STOX1: variants seen among roughly 807,000 people sequenced by gnomAD.
The protein encoded by STOX1 is storkhead box 1.
A neutral mutation model predicts 74.8 loss-of-function variants in STOX1; 57 were observed. That is an observed-to-expected ratio of 0.76 (90% CI 0.62 to 0.95). The LOEUF is 0.95. STOX1 is among the 40% of genes least tolerant of loss of function. The probability of loss-of-function intolerance (pLI) is 0.00; values close to 1 mark genes in which losing one functional copy is unlikely to be tolerated. For missense variants in STOX1, 1,010 were observed against 1,117.0 expected (o/e 0.90, Z 1.37); for synonymous variants, 375 against 401.3 (o/e 0.93, Z 0.78).
In STOX1 at chr10:68,828,300, C is replaced by T. The variant is rs1455456006; in HGVS notation, c.310+367C>T. 1.2e-5 allele frequency: 14 copies of T among 1,172,126 alleles called. No individual in the cohort carries two copies. In the East Asian group the frequency reaches 4.9e-4, roughly 41 times the overall value. The allele number at this position is 1,172,126 out of a possible 1,614,324, so 72.6% of individuals were successfully genotyped here. A position where few individuals can be genotyped will look rare whatever the true frequency, so the allele number is the denominator to read the frequency against. On this transcript the variant is annotated intron_variant, in intron 1 of 3. Transcript: ENST00000298596. ...TGCGGGACCCGGAGGGGAGGGGCGT[C>T]CCGCGCCAGCTGTGAGCGCGGAGCT...
At chr10:68,857,725 C>T (rs1311936409) in intron 1 of STOX1, among the ~76,000 whole-genome samples, 1 of 152,118 alleles carries the variant, frequency 6.6e-6, no homozygotes, top group Non-Finnish European at 1.5e-5. Context: ...GTCCATGCTG[C>T]TCCAGGCTCA....
chr10:68,844,107 G>T (rs1202100726), intron 1 of STOX1, among the ~76,000 whole-genome samples: 1 of 151,684 alleles, frequency 6.6e-6, no homozygotes, highest in Non-Finnish European at 1.5e-5. Flanking sequence ...ATGAGCCCGG[G>T]AGGCGGAGCT....
At position 68,846,881 on chromosome 10, in the gene STOX1, C is replaced by T. The variant is rs192631545; in HGVS notation, c.310+18948C>T. ...TAGCATGGCCCCTGTGCAAGGGTGA[C>T]ATACAAATTAATGAAGGGTTCCAAT... On this transcript the variant is annotated intron_variant, in intron 1 of 3. Transcript: ENST00000298596. 2.0e-5 allele frequency: 3 copies of T among 152,140 alleles called. No homozygotes were observed. In the East Asian group the frequency reaches 5.8e-4, roughly 29 times the overall value. The allele number at this position is 152,140 out of a possible 1,614,324, so 9.4% of individuals were successfully genotyped here. A position where few individuals can be genotyped will look rare whatever the true frequency, so the allele number is the denominator to read the frequency against.
intron 1 of STOX1, among the ~76,000 whole-genome samples, chr10:68,834,987 G>T (rs1839507399): frequency 6.6e-6 from 1 of 152,014 alleles, no homozygotes; most frequent in Non-Finnish European, 1.5e-5. Flanking sequence ...GCCTCCCAAA[G>T]TGCTGGGCTT....
At chr10:68,880,112 T>C (rs1227847244) in intron 1 of STOX1, among the ~76,000 whole-genome samples, 2 of 152,098 alleles carry the variant, frequency 1.3e-5, no homozygotes, top group East Asian at 1.9e-4. Flanking sequence ...TTTCCTTCAA[T>C]TGGAACTTTA....
chr10:68,859,965 A>G (rs920897798), intron 1 of STOX1, among the ~76,000 whole-genome samples: 8 of 151,972 alleles, frequency 5.3e-5, no homozygotes, highest in Non-Finnish European at 1.2e-4. Flanking sequence ...AGCAGGAAGA[A>G]AGAATCGGAG....
chr10:68,859,987 G>C (rs1187853207), intron 1 of STOX1, among the ~76,000 whole-genome samples: 1 of 151,864 alleles, frequency 6.6e-6, no homozygotes. Flanking sequence ...TGAAGGAAGG[G>C]CCTTTAAAAA....
intron 1 of STOX1, among the ~76,000 whole-genome samples, chr10:68,870,870 C>A (rs898711210): frequency 3.3e-5 from 5 of 152,220 alleles, no homozygotes; most frequent in Non-Finnish European, 7.3e-5. Context: ...TGAAAACATT[C>A]TACCCCCAGA....
chr10:68,829,643 A>G (rs1839355549), intron 1 of STOX1, among the ~76,000 whole-genome samples: 1 of 152,116 alleles, frequency 6.6e-6, no homozygotes, highest in Non-Finnish European at 1.5e-5. Context: ...CAGAGATGGT[A>G]TTACCACATC....
intron 1 of STOX1, among the ~76,000 whole-genome samples, chr10:68,873,651 CTTTTTTTTT>C (rs67316641): frequency 4.1e-5 from 1 of 24,498 alleles, no homozygotes; most frequent in African/African-American, 1.5e-4. Context: ...CTTTTTTTTT[CTTTTTTTTT>C]TTTTTCTTTT....
intron 1 of STOX1, among the ~76,000 whole-genome samples, chr10:68,880,171 T>G (rs1227685147): frequency 2.6e-5 from 4 of 150,996 alleles, no homozygotes; most frequent in African/African-American, 9.7e-5. Flanking sequence ...TTCCTTTTTT[T>G]TTTTTTTTTT....
chr10:68,891,507 C>T (rs1007664324), intron 3 of STOX1, among the ~76,000 whole-genome samples: 5 of 151,954 alleles, frequency 3.3e-5, no homozygotes, highest in African/African-American at 7.2e-5. Flanking sequence ...AAGGGAATGT[C>T]GAAAAGCAAA....
intron 1 of STOX1, among the ~76,000 whole-genome samples, chr10:68,847,261 G>GA (rs1303784730): frequency 2.0e-4 from 31 of 152,108 alleles, no homozygotes; most frequent in Non-Finnish European, 4.6e-4. Flanking sequence ...CAACTGAGGG[G>GA]AAAAAATATT....
intron 1 of STOX1, among the ~76,000 whole-genome samples, chr10:68,865,121 T>C (rs183074633): frequency 6.8e-6 from 1 of 146,136 alleles, no homozygotes; most frequent in East Asian, 1.9e-4. Context: ...ATATCATCCA[T>C]ATAATGAATA....
In STOX1 at chr10:68,888,802, A is replaced by ATTTTTTTTTTTTTTT. The variant is rs35174437; in HGVS notation, c.2822+2202_2822+2216dup. On this transcript the variant is annotated intron_variant, in intron 3 of 3. Coordinates refer to ENST00000298596, the MANE Select transcript of STOX1 (RefSeq NM_152709.5). ...AGGCATATGTCACTATGCCCAGCTA[A>ATTTTTTTTTTTTTTT]TTTTTTTTTTTTTTTTTTTTTTTTT... Among the ~76,000 whole-genome samples, 4 of 32,044 alleles carry ATTTTTTTTTTTTTTT rather than the reference A, an allele frequency of 1.2e-4. 1 individual carries two copies. The highest frequency in any genetic ancestry group is 2.1e-4 in the Non-Finnish European group (4 of 19,384). The allele number at this position is 32,044 out of a possible 152,430, so 21.0% of individuals were successfully genotyped here.
chr10:68,886,573 C>G lies in STOX1; in HGVS notation c.2777C>G (p.Thr926Arg), dbSNP rs1001338226. ...VQYEHSHLEG[T>R]ENHSMAGDSG... ...TATGAACACAGTCACTTGGAAGGGA[C>G]AGAAAATCACAGCATGGCAGGAGAT... Residue 926 changes from threonine to arginine, a missense_variant, in exon 3 of 4, where the codon ACA (threonine) becomes AGA (arginine). Transcript: ENST00000298596. 5.6e-6 allele frequency: 9 copies of G among 1,614,132 alleles called. No homozygotes were observed. Among genetic ancestry groups the G allele is most frequent in the African/African-American group, 1.3e-5 (1 of 75,024 alleles).
At chr10:68,887,136 T>G (rs1840983455) in intron 3 of STOX1, among the ~76,000 whole-genome samples, 1 of 152,150 alleles carries the variant, frequency 6.6e-6, no homozygotes. Flanking sequence ...GTGAACCAAA[T>G]TTGACTGTCC....
chr10:68,895,147 C>A (rs906363311), downstream of STOX1: 1 of 152,334 alleles, frequency 6.6e-6, no homozygotes. Flanking sequence ...TGTTGGAGGG[C>A]AATTTCCAGA....
chr10:68,877,741 C>T (rs889572710), intron 1 of STOX1, among the ~76,000 whole-genome samples: 4 of 152,272 alleles, frequency 2.6e-5, no homozygotes, highest in Non-Finnish European at 5.9e-5. Context: ...CAGTGTTCTC[C>T]CCCACCCCAC....
Sources: gnomAD v4.1 joint callset for allele counts (sites outside exome capture counted in the v4.1 genomes callset) on GRCh38, gnomAD v4.1.1 for gene constraint, MANE v1.5 for transcripts, NCBI Gene and HGNC (gene_info 2026-07-23, HGNC 2026-07-21) for gene names.